Variants in SORBS2 observed in about 807,000 individuals in gnomAD.
The protein encoded by SORBS2 is sorbin and SH3 domain-containing protein 2.
Under a neutral mutation model 97.7 loss-of-function variants are expected in SORBS2, and 46 were observed. That is an observed-to-expected ratio of 0.47 (90% confidence interval 0.37 to 0.60). The LOEUF is 0.60. SORBS2 is among the 20% of genes least tolerant of loss of function. The probability of loss-of-function intolerance (pLI) is 0.00; values close to 1 mark genes in which losing one functional copy is unlikely to be tolerated. For missense variants in SORBS2, 1,316 were observed against 1,282.3 expected (o/e 1.03, Z -0.40); for synonymous variants, 476 against 473.4 (o/e 1.01, Z -0.07).
chr4:185,693,659 G>A (rs1055396993), intron 2 of SORBS2, among the ~76,000 whole-genome samples: 3 of 152,204 alleles, frequency 2.0e-5, no homozygotes, highest in Non-Finnish European at 4.4e-5. Flanking sequence ...AAAACGGAAT[G>A]AGGAAGACAG....
intron 1 of SORBS2, among the ~76,000 whole-genome samples, chr4:185,902,113 T>C (rs1579388978): frequency 6.6e-6 from 1 of 152,226 alleles, no homozygotes. Context: ...CAGCAGGAAA[T>C]AGTATTTTAA....
At position 185,593,893 on chromosome 4, in the gene SORBS2, C is replaced by G. The variant is rs558697505; in HGVS notation, c.2839G>C (p.Gly947Arg). Residue 947 changes from glycine to arginine, a missense_variant, in exon 13 of 15, where the codon GGG (glycine) becomes CGG (arginine). Transcript: ENST00000418609. ...GATAAGAAGAATACTTACGGTTCCCCCCCACCTTGAATATTTTCATGAGTA... is the reference window on the plus strand; with the variant it reads ...GATAAGAAGAATACTTACGGTTCCCGCCCACCTTGAATATTTTCATGAGTA... 1.6e-5 allele frequency: 25 copies of G among 1,601,958 alleles called. No individual in the cohort carries two copies. The East Asian group carries it at 4.7e-4, about 30-fold the overall frequency.
intron 11 of SORBS2, 23 bp downstream of exon 23, chr4:185,614,808 A>C (rs2096603728): frequency 2.5e-6 from 4 of 1,612,600 alleles, no homozygotes; most frequent in Non-Finnish European, 3.4e-6. Flanking sequence ...AAAAACAAAC[A>C]AACAAAAAAC....
intron 2 of SORBS2, among the ~76,000 whole-genome samples, chr4:185,704,010 G>A (rs1485768861): frequency 6.6e-6 from 1 of 152,252 alleles, no homozygotes; most frequent in African/African-American, 2.4e-5. Context: ...AGAATGATTT[G>A]TACTTCTAAC....
chr4:185,802,130 G>A (rs1309135225), intron 1 of SORBS2, among the ~76,000 whole-genome samples: 1 of 152,098 alleles, frequency 6.6e-6, no homozygotes, highest in Non-Finnish European at 1.5e-5. Flanking sequence ...TCATCTTCTG[G>A]AACTCCATTG....
chr4:185,765,189 A>C (rs1213158609), intron 2 of SORBS2, among the ~76,000 whole-genome samples: 1 of 152,182 alleles, frequency 6.6e-6, no homozygotes, highest in Admixed American at 6.5e-5. Context: ...TATTTTATTC[A>C]ATGAAAATGA....
intron 12 of SORBS2, among the ~76,000 whole-genome samples, chr4:185,597,267 A>T (rs1432747284): frequency 6.6e-6 from 1 of 152,200 alleles, no homozygotes; most frequent in African/African-American, 2.4e-5. Flanking sequence ...TGAGTTGGAC[A>T]AGATGAGGGT....
chr4:185,626,879 G>T lies in SORBS2; in HGVS notation c.587C>A (p.Thr196Lys), dbSNP rs375483585. ...AGGAGAAGAGCTAGTGAAAGACTTT[G>T]TAAGAGTGGTGCTTGATCCTGGGAG... The change falls in exon 6 of 15, where the codon ACA becomes AAA. Residue 196 changes from threonine (T) to lysine (K), a missense_variant. Thr to Lys is a moderately conservative substitution (Grantham distance 78, BLOSUM62 -1). Coordinates refer to ENST00000418609, the Ensembl canonical transcript of SORBS2. The T allele has an allele frequency of 1.7e-5, 27 of 1,614,118 alleles. No individual in the cohort carries two copies. Among genetic ancestry groups the T allele is most frequent in the Non-Finnish European group, 2.2e-5 (26 of 1,180,048 alleles).
intron 2 of SORBS2, among the ~76,000 whole-genome samples, chr4:185,709,561 C>T (rs1180850035): frequency 1.3e-5 from 2 of 151,898 alleles, no homozygotes; most frequent in Non-Finnish European, 2.9e-5. Flanking sequence ...CATGTCTACC[C>T]CTACATTTAA....
chr4:185,690,450 C>T, intron 2 of SORBS2, 112 bp downstream of exon 4: 1 of 573,820 alleles, frequency 1.7e-6, no homozygotes. Context: ...TGTATCTAAT[C>T]AGAAACTCAG....
rs758690518 is a variant in SORBS2 at position 185,651,742 on chromosome 4, T to C, written c.91+920A>G. ...ACCGTGTCGTTCTTCCAAACATTGC[T>C]GAGCATAAAATAGTCATTGCGAGCA... On this transcript the variant is annotated intron_variant, in intron 2 of 14. Transcript: ENST00000418609. 3 of 1,136,590 alleles carry C rather than the reference T, an allele frequency of 2.6e-6. No homozygotes were observed. The South Asian group carries it at 3.8e-5, about 14-fold the overall frequency. 70.4% of individuals were successfully genotyped at this position (1,136,590 alleles called of 1,614,324 possible).
Position 185,690,502 on chromosome 4 carries a change from G to C in SORBS2, c.-197-11680C>G, listed in dbSNP as rs61116773. The C allele has an allele frequency of 0.01, 11,615 of 1,137,130 alleles. 831 individuals carry two copies. The African/African-American group carries it at 0.16, about 15-fold the overall frequency. The allele number at this position is 1,137,130 out of a possible 1,614,324, so 70.4% of individuals were successfully genotyped here. A position where few individuals can be genotyped will look rare whatever the true frequency, so the allele number is the denominator to read the frequency against. On this transcript the variant is annotated intron_variant, in intron 2 of 20. Transcript: ENST00000284776. ...AGAAGAGTGCTAAACTAATGATTTA[G>C]GGCCAACATGATTTTTAGAGAGCAA...
intron 2 of SORBS2, among the ~76,000 whole-genome samples, chr4:185,727,550 A>T (rs1247959174): frequency 5.9e-5 from 9 of 152,216 alleles, no homozygotes; most frequent in Admixed American, 5.9e-4. Context: ...AGCTTTTATC[A>T]GATCATGTTT....
intron 12 of SORBS2, among the ~76,000 whole-genome samples, chr4:185,610,304 A>T (rs1030985691): frequency 2.0e-5 from 3 of 152,182 alleles, no homozygotes; most frequent in Non-Finnish European, 4.4e-5. Flanking sequence ...GGATAAGACA[A>T]ATATATGCAT....
At position 185,848,618 on chromosome 4, in the gene SORBS2, C is replaced by CTTTTTTTT. The variant is rs537195530; in HGVS notation, c.-337-73260_-337-73253dup. Among the ~76,000 whole-genome samples, 12 of 75,636 alleles carry CTTTTTTTT rather than the reference C, an allele frequency of 1.6e-4. 1 individual carries two copies. The highest frequency in any genetic ancestry group is 5.8e-4 in the African/African-American group (10 of 17,240). The allele number at this position is 75,636 out of a possible 152,430, so 49.6% of individuals were successfully genotyped here. On this transcript the variant is annotated intron_variant, in intron 1 of 20. Coordinates refer to the SORBS2 transcript ENST00000284776. ...TTAAATGTTCTTTATAAGGATATCT[C>CTTTTTTTT]TTTTTTTTTTTTTTTTTTTTTTTTT... is the stretch of plus-strand genomic sequence containing the variant.
intron 1 of SORBS2, among the ~76,000 whole-genome samples, chr4:185,940,457 C>T (rs2099271383): frequency 6.6e-6 from 1 of 152,202 alleles, no homozygotes; most frequent in Non-Finnish European, 1.5e-5. Context: ...ACCTCCCCAG[C>T]CATGACCTCT....
intron 2 of SORBS2, among the ~76,000 whole-genome samples, chr4:185,688,273 A>C (rs2098010986): frequency 6.6e-6 from 1 of 152,296 alleles, no homozygotes; most frequent in Non-Finnish European, 1.5e-5. Flanking sequence ...AACTTAAAAG[A>C]ATGCTTTTTA....
intron 12 of SORBS2, among the ~76,000 whole-genome samples, chr4:185,603,164 T>G (rs961205008): frequency 6.6e-6 from 1 of 152,168 alleles, no homozygotes; most frequent in African/African-American, 2.4e-5. Flanking sequence ...CGATGGTGCG[T>G]CCTCCGTCTT....
At chr4:185,759,501 G>C (rs1371505303) in intron 2 of SORBS2, among the ~76,000 whole-genome samples, 2 of 152,174 alleles carry the variant, frequency 1.3e-5, no homozygotes, top group African/African-American at 4.8e-5. Context: ...TTAACGGGTA[G>C]GGAGAACGCA....
Sources: allele counts gnomAD v4.1 joint callset (sites outside exome capture counted in the v4.1 genomes callset), GRCh38; gene constraint gnomAD v4.1.1; transcripts MANE v1.5; gene names NCBI Gene and HGNC (gene_info 2026-07-23, HGNC 2026-07-21).